Variants in RNF220 observed in about 807,000 individuals in gnomAD.
RNF220 encodes ring finger protein 220, also known as E3 ubiquitin-protein ligase RNF220.
Under a neutral mutation model 67.1 loss-of-function variants are expected in RNF220, and 7 were observed. That is an observed-to-expected ratio of 0.10 (90% CI 0.06 to 0.20). RNF220 has a LOEUF of 0.20. Among genes scored for constraint, RNF220 ranks in the 10% least tolerant of loss-of-function variants. The pLI is 1.00. For synonymous variants in RNF220, 270 were observed against 283.2 expected, an observed-to-expected ratio of 0.95 and a Z score of 0.47; for missense variants, 565 against 740.3, an observed-to-expected ratio of 0.76 and a Z score of 2.75.
intron 2 of RNF220, among the ~76,000 whole-genome samples, chr1:44,535,260 C>A (rs115297578): frequency 0.048 from 7,328 of 151,768 alleles, 251 homozygotes; most frequent in African/African-American, 0.094. Flanking sequence ...CCTGTCTCAC[C>A]CTCCCAAGTG....
At chr1:44,470,591 G>A (rs756667773) in intron 2 of RNF220, among the ~76,000 whole-genome samples, 14 of 152,042 alleles carry the variant, frequency 9.2e-5, no homozygotes, top group Non-Finnish European at 1.9e-4. Context: ...TCATTTGTTG[G>A]ATGGAATGAT....
chr1:44,613,502 C>T (rs1643407715), intron 2 of RNF220, among the ~76,000 whole-genome samples: 1 of 152,254 alleles, frequency 6.6e-6, no homozygotes, highest in African/African-American at 2.4e-5. Context: ...TGCCTGTACT[C>T]CTAGCACTTT....
intron 1 of RNF220, among the ~76,000 whole-genome samples, chr1:44,407,781 G>A (rs927364117): frequency 1.3e-5 from 2 of 152,218 alleles, no homozygotes; most frequent in Non-Finnish European, 2.9e-5. Context: ...GGAGAAGCGG[G>A]AGTGGAGGAG....
chr1:44,596,550 ATT>A (rs1272120367), intron 2 of RNF220, among the ~76,000 whole-genome samples: 1 of 151,224 alleles, frequency 6.6e-6, no homozygotes, highest in Non-Finnish European at 1.5e-5. Flanking sequence ...CAAGAGCAAG[ATT>A]CTGTCTCCAA....
intron 1 of RNF220, among the ~76,000 whole-genome samples, chr1:44,405,827 G>C (rs1239843891): frequency 6.6e-6 from 1 of 152,116 alleles, no homozygotes; most frequent in African/African-American, 2.4e-5. Context: ...GCAAGGGGGA[G>C]GGACCAGACG....
chr1:44,417,682 C>T lies in RNF220; in HGVS notation c.625+4960C>T, dbSNP rs372809714. Among the ~76,000 whole-genome samples, 213 of 152,298 alleles carry T rather than the reference C, an allele frequency of 1.4e-3. 2 individuals are homozygous for T. The highest frequency in any genetic ancestry group is 5.0e-3 in the African/African-American group (206 of 41,572). ...GTCATGCAGAAGTGATCCGGGCTGC[C>T]GTTTTCTCGCGGCCGCCCGCCAGCC... is the stretch of plus-strand genomic sequence containing the variant. On this transcript the variant is annotated intron_variant, in intron 2 of 14. Coordinates refer to ENST00000361799, the MANE Select transcript of RNF220 (RefSeq NM_018150.4). This position sits in a 1 kb window ranked among gnomAD's most constrained non-coding sequence, Gnocchi z 4.0.
chr1:44,607,396 G>GCC (rs1667343397), intron 2 of RNF220, among the ~76,000 whole-genome samples: 1 of 151,856 alleles, frequency 6.6e-6, no homozygotes, highest in Non-Finnish European at 1.5e-5. Context: ...TCAGCACTCT[G>GCC]CCCCTCACTC....
chr1:44,603,236 A>G (rs1433035639), intron 2 of RNF220, among the ~76,000 whole-genome samples: 1 of 152,222 alleles, frequency 6.6e-6, no homozygotes, highest in Non-Finnish European at 1.5e-5. Context: ...TATCAATTCA[A>G]TTTCAGCCGC....
chr1:44,463,088 G>A (rs1653939631), intron 2 of RNF220, among the ~76,000 whole-genome samples: 3 of 152,142 alleles, frequency 2.0e-5, no homozygotes, highest in South Asian at 2.1e-4. Flanking sequence ...TGTAATCCCA[G>A]CACTTTGGGA....
At position 44,645,260 on chromosome 1, in the gene RNF220, T is replaced by C. The variant is rs1644606396; in HGVS notation, c.1350T>C (p.Ser450=). Residue 450 remains serine, a synonymous_variant, in exon 11 of 15, where the codon TCT becomes TCC. Coordinates refer to ENST00000361799, the MANE Select transcript of RNF220 (RefSeq NM_018150.4). The surrounding 1 kb of genome is among the most constrained non-coding windows in gnomAD (Gnocchi z 5.0). ...GCACGCGCATCACACCTGAGTTCTC[T>C]AAATGGGCCAGTGATGGTAAGTCCT... is the stretch of plus-strand genomic sequence containing the variant. ...PPSTRITPEF[S]KWASDEMPST... 2.5e-6 allele frequency: 4 copies of C among 1,614,028 alleles called. No individual in the cohort carries two copies. Among genetic ancestry groups the C allele is most frequent in the Non-Finnish European group, 1.7e-6 (2 of 1,179,996 alleles).
At chr1:44,434,287 T>C (rs1650717472) in intron 2 of RNF220, among the ~76,000 whole-genome samples, 1 of 151,970 alleles carries the variant, frequency 6.6e-6, no homozygotes, top group South Asian at 2.1e-4. Flanking sequence ...TGGTAGGAGA[T>C]GAGATGGAGA....
chr1:44,583,625 C>T (rs1381334233), intron 2 of RNF220, among the ~76,000 whole-genome samples: 1 of 152,220 alleles, frequency 6.6e-6, no homozygotes, highest in Non-Finnish European at 1.5e-5. Flanking sequence ...AACATCACTT[C>T]TGTGATGTGC....
intron 2 of RNF220, among the ~76,000 whole-genome samples, chr1:44,546,676 A>G (rs1662182791): frequency 6.6e-6 from 1 of 152,058 alleles, no homozygotes; most frequent in African/African-American, 2.4e-5. Context: ...TCATTGATGC[A>G]CCGAGCTCTG....
Position 44,615,635 on chromosome 1 carries a change from C to A in RNF220, c.758+1338C>A, listed in dbSNP as rs557557146. ...TTCATAGCATGAGGGTAGGGAGGGT[C>A]AGGCAGTACAAACCCAGAGGGATGG... On this transcript the variant is annotated intron_variant, in intron 3 of 14. Transcript: ENST00000361799. Among the ~76,000 whole-genome samples, 25 of 152,172 alleles carry A rather than the reference C, an allele frequency of 1.6e-4. 1 individual carries two copies. The highest frequency in any genetic ancestry group is 1.5e-4 in the Non-Finnish European group (10 of 67,994).
chr1:44,586,857 A>G (rs1183687889), intron 2 of RNF220, among the ~76,000 whole-genome samples: 4 of 152,174 alleles, frequency 2.6e-5, no homozygotes, highest in Non-Finnish European at 5.9e-5. Flanking sequence ...AAATTGAGGG[A>G]AGATGGAAAA....
intron 2 of RNF220, among the ~76,000 whole-genome samples, chr1:44,502,735 G>GA (rs1409369327): frequency 6.6e-6 from 1 of 151,372 alleles, no homozygotes; most frequent in Non-Finnish European, 1.5e-5. Context: ...GAATACTACA[G>GA]AAAAACGTGT....
intron 2 of RNF220, among the ~76,000 whole-genome samples, chr1:44,521,448 G>C (rs1174680977): frequency 2.6e-5 from 4 of 152,106 alleles, no homozygotes; most frequent in Non-Finnish European, 4.4e-5. Context: ...GAACAATATA[G>C]AGTCCAATGG....
chr1:44,412,794 T>C lies in RNF220; in HGVS notation c.625+72T>C. The stretch of plus-strand genomic sequence containing the variant: ...CTCACCGTGATGTTCAACAGGTCGG[T>C]GGCGTTTTGCATGCTCCTAGTAATA... On this transcript the variant is annotated intron_variant, in intron 2 of 14. Coordinates refer to ENST00000361799, the MANE Select transcript of RNF220 (RefSeq NM_018150.4). The surrounding 1 kb of genome is among the most constrained non-coding windows in gnomAD (Gnocchi z 5.3). 2 of 1,533,334 alleles carry C rather than the reference T, an allele frequency of 1.3e-6. No individual in the cohort carries two copies. The highest frequency in any genetic ancestry group is 1.8e-6 in the Non-Finnish European group (2 of 1,135,004). 95.0% of individuals were successfully genotyped at this position (1,533,334 alleles called of 1,614,324 possible). A position where few individuals can be genotyped will look rare whatever the true frequency, so the allele number is the denominator to read the frequency against.
At chr1:44,467,400 A>G (rs924634934) in intron 2 of RNF220, among the ~76,000 whole-genome samples, 1 of 152,170 alleles carries the variant, frequency 6.6e-6, no homozygotes, top group Non-Finnish European at 1.5e-5. Context: ...TAGTAGAGGC[A>G]GGGTTTCTCC....
Sources: gnomAD v4.1 joint callset for allele counts (sites outside exome capture counted in the v4.1 genomes callset) on GRCh38, gnomAD v4.1.1 for gene constraint, Gnocchi (gnomAD v3.1) non-coding constraint, MANE v1.5 for transcripts, NCBI Gene and HGNC (gene_info 2026-07-23, HGNC 2026-07-21) for gene names.